Variants in CRMP1 observed in about 807,000 individuals in gnomAD.
CRMP1 encodes the protein collapsin response mediator protein 1.
A neutral mutation model predicts 68.3 loss-of-function variants in CRMP1; 19 were observed. The ratio of observed to expected loss-of-function variants is 0.28; its 90% CI spans 0.19 to 0.41. The LOEUF is 0.41. CRMP1 is among the 10% of genes least tolerant of loss of function. CRMP1 has a pLI of 1.00. For synonymous variants in CRMP1, 439 were observed against 399.6 expected (o/e 1.10, Z -1.18); for missense variants, 791 against 967.4 (o/e 0.82, Z 2.42).
Position 5,825,083 on chromosome 4 carries a change from CTGCAG to C in CRMP1, c.1969+406_1969+410del. ...ATGGGTTATGAAAGTGCTTAGTACA[CTGCAG>C]TGGGTGAACAGGCTAAAGACTTACA... On this transcript the variant is annotated intron_variant, in intron 13 of 13. Transcript: ENST00000324989. This position sits in a 1 kb window ranked among gnomAD's most constrained non-coding sequence, Gnocchi z 4.4. 1.0e-6 allele frequency: 1 copy of C among 985,404 alleles called. No individual in the cohort carries two copies. The highest frequency in any genetic ancestry group is 1.2e-6 in the Non-Finnish European group (1 of 829,922). 61.0% of individuals were successfully genotyped at this position (985,404 alleles called of 1,614,324 possible).
At chr4:5,863,924 C>T (rs1248148595) in intron 2 of CRMP1, among the ~76,000 whole-genome samples, 2 of 152,214 alleles carry the variant, frequency 1.3e-5, no homozygotes, top group Admixed American at 1.3e-4. Flanking sequence ...AGGCCTCAGT[C>T]ACCGTCACTC....
rs1359265000 is a variant in CRMP1, at chr4:5,841,164, C to A, written c.1153+144G>T. On this transcript the variant is annotated intron_variant, in intron 8 of 13. Coordinates refer to ENST00000324989, the MANE Select transcript of CRMP1 (RefSeq NM_001014809.3). The surrounding 1 kb of genome is among the most constrained non-coding windows in gnomAD (Gnocchi z 6.9). ...CATTGGGACCAAAGAATTCCAGCCA[C>A]CATCCTTGTGTCAGGAGCATCCCCG... 8.1e-7 allele frequency: 1 copy of A among 1,237,112 alleles called. No homozygotes were observed. Among genetic ancestry groups the A allele is most frequent in the East Asian group, 2.3e-5 (1 of 42,896 alleles). The allele number at this position is 1,237,112 out of a possible 1,614,324, so 76.6% of individuals were successfully genotyped here. A position where few individuals can be genotyped will look rare whatever the true frequency, so the allele number is the denominator to read the frequency against.
rs888102963 is a variant in CRMP1 at position 5,850,816 on chromosome 4, C to A, written c.882+592G>T. The stretch of plus-strand genomic sequence containing the variant: ...AGGAGACCCAGTAGTATAAGAAGGC[C>A]AGGTGTCCTGTAAGTCGTAACCACT... On this transcript the variant is annotated intron_variant, in intron 5 of 13. Transcript: ENST00000324989. This position sits in a 1 kb window ranked among gnomAD's most constrained non-coding sequence, Gnocchi z 4.4. 2.6e-5 allele frequency among the ~76,000 whole-genome samples: 4 copies of A among 152,180 alleles called. No individual in the cohort carries two copies. The highest frequency in any genetic ancestry group is 9.6e-5 in the African/African-American group (4 of 41,456).
rs930298415 is a variant in CRMP1 at position 5,889,799 on chromosome 4, A to G, written c.381+2790T>C. 2 of 1,521,786 alleles carry G rather than the reference A, an allele frequency of 1.3e-6. No homozygotes were observed. The highest frequency in any genetic ancestry group is 1.4e-5 in the African/African-American group (1 of 72,696). The allele number at this position is 1,521,786 out of a possible 1,614,324, so 94.3% of individuals were successfully genotyped here. A position where few individuals can be genotyped will look rare whatever the true frequency, so the allele number is the denominator to read the frequency against. On this transcript the variant is annotated intron_variant, in intron 1 of 13. Coordinates refer to ENST00000324989, the MANE Select transcript of CRMP1 (RefSeq NM_001014809.3). This position sits in a 1 kb window ranked among gnomAD's most constrained non-coding sequence, Gnocchi z 4.5. ...CTGGGGCCCTGACCTTCACCACCCC[A>G]GGGGCCAGTCCCCTAATCCAGGGCA...
intron 1 of CRMP1, among the ~76,000 whole-genome samples, chr4:5,880,948 C>A (rs888295679): frequency 6.6e-6 from 1 of 152,308 alleles, no homozygotes; most frequent in Non-Finnish European, 1.5e-5. Flanking sequence ...CAGACAATTT[C>A]CCAGTCTTCC....
Position 5,853,420 on chromosome 4 carries a change from A to G in CRMP1, c.821-1951T>C, listed in dbSNP as rs1011581663. The stretch of plus-strand genomic sequence containing the variant: ...CTCCATCAGAAGGAAAGAAAGAAAG[A>G]GCTGCATCTAAGAGATAGCAAGTGT... On this transcript the variant is annotated intron_variant, in intron 4 of 13. Coordinates refer to ENST00000324989, the MANE Select transcript of CRMP1 (RefSeq NM_001014809.3). The surrounding 1 kb of genome is among the most constrained non-coding windows in gnomAD (Gnocchi z 4.7). 7.9e-5 allele frequency among the ~76,000 whole-genome samples: 12 copies of G among 152,144 alleles called. No homozygotes were observed. The highest frequency in any genetic ancestry group is 1.2e-4 in the Non-Finnish European group (8 of 68,034).
chr4:5,868,898 C>T (rs980766957), intron 1 of CRMP1, among the ~76,000 whole-genome samples: 13 of 152,224 alleles, frequency 8.5e-5, no homozygotes, highest in African/African-American at 2.6e-4. Flanking sequence ...ATTCTTTGCA[C>T]GAAAACACTA....
At position 5,825,123 on chromosome 4, in the gene CRMP1, T is replaced by G. The variant is rs1008382724; in HGVS notation, c.1969+371A>C. 6 of 985,314 alleles carry G rather than the reference T, an allele frequency of 6.1e-6. No homozygotes were observed. In the African/African-American group the frequency reaches 1.0e-4, roughly 17 times the overall value. The allele number at this position is 985,314 out of a possible 1,614,324, so 61.0% of individuals were successfully genotyped here. ...AGGCTAAAGACTTACACAGAGCACA[T>G]GCCCTGCAAATGGCAGCTACTCCCA... On this transcript the variant is annotated intron_variant, in intron 13 of 13. Transcript: ENST00000324989. The surrounding 1 kb of genome is among the most constrained non-coding windows in gnomAD (Gnocchi z 4.4).
rs56890181 is a variant in CRMP1 at position 5,883,248 on chromosome 4, C to CATCT, written c.381+9340_381+9341insAGAT. 0.16 allele frequency among the ~76,000 whole-genome samples: 16,923 copies of CATCT among 105,560 alleles called. 1,337 individuals carry two copies. Among genetic ancestry groups the CATCT allele is most frequent in the East Asian group, 0.4 (1,562 of 3,896 alleles). The allele number at this position is 105,560 out of a possible 152,430, so 69.3% of individuals were successfully genotyped here. A position where few individuals can be genotyped will look rare whatever the true frequency, so the allele number is the denominator to read the frequency against. ...CCTGCCTGCTTTCCTTCCTTCCTTC[C>CATCT]TTCCTTCCTTCCTCCCTCCCTCCCT... On this transcript the variant is annotated intron_variant, in intron 1 of 13. Transcript: ENST00000324989. This position sits in a 1 kb window ranked among gnomAD's most constrained non-coding sequence, Gnocchi z 4.5.
Position 5,872,320 on chromosome 4 carries a change from T to C in CRMP1, c.382-5564A>G, listed in dbSNP as rs916081236. 2.0e-5 allele frequency among the ~76,000 whole-genome samples: 3 copies of C among 152,226 alleles called. No individual in the cohort carries two copies. The highest frequency in any genetic ancestry group is 7.2e-5 in the African/African-American group (3 of 41,456). The stretch of plus-strand genomic sequence containing the variant: ...AAAAAAATAATACCGGTGCCGTCTA[T>C]TGCCTCTCACGGGGTTACTGTGAGG... On this transcript the variant is annotated intron_variant, in intron 1 of 13. Coordinates refer to ENST00000324989, the MANE Select transcript of CRMP1 (RefSeq NM_001014809.3). This position sits in a 1 kb window ranked among gnomAD's most constrained non-coding sequence, Gnocchi z 4.6.
At chr4:5,875,122 T>C (rs1714718945) in intron 1 of CRMP1, among the ~76,000 whole-genome samples, 1 of 152,192 alleles carries the variant, frequency 6.6e-6, no homozygotes. Context: ...CATTAAGCAT[T>C]AGGTTGAGCT....
Position 5,850,156 on chromosome 4 carries a change from C to T in CRMP1, c.883-684G>A, listed in dbSNP as rs998493583. 6.6e-6 allele frequency among the ~76,000 whole-genome samples: 1 copy of T among 152,342 alleles called. No individual in the cohort carries two copies. Among genetic ancestry groups the T allele is most frequent in the Admixed American group, 6.5e-5 (1 of 15,304 alleles). ...AGCTCCCTCTCCAGGGACACTTGAA[C>T]CTCAACTTTGTTCTCCATGCATGCA... On this transcript the variant is annotated intron_variant, in intron 5 of 13. Coordinates refer to ENST00000324989, the MANE Select transcript of CRMP1 (RefSeq NM_001014809.3). The surrounding 1 kb of genome is among the most constrained non-coding windows in gnomAD (Gnocchi z 4.4).
At position 5,843,670 on chromosome 4, in the gene CRMP1, G is replaced by A. The variant is rs1387244687; in HGVS notation, c.964-509C>T. ...TCTCTTGACCTCAGTCTCCTCTTCTGTACACTGGGGATAACGGTGCTTGTA... is the reference window on the plus strand; with the variant it reads ...TCTCTTGACCTCAGTCTCCTCTTCTATACACTGGGGATAACGGTGCTTGTA... On this transcript the variant is annotated intron_variant, in intron 6 of 13. Transcript: ENST00000324989. This position sits in a 1 kb window ranked among gnomAD's most constrained non-coding sequence, Gnocchi z 4.1. 2.6e-5 allele frequency among the ~76,000 whole-genome samples: 4 copies of A among 152,292 alleles called. No homozygotes were observed. Among genetic ancestry groups the A allele is most frequent in the African/African-American group, 2.4e-5 (1 of 41,566 alleles).
chr4:5,828,459 G>A (rs764192518), intron 12 of CRMP1, 30 bp downstream of exon 12: 5 of 1,604,526 alleles, frequency 3.1e-6, no homozygotes. Context: ...GGTCCCACGG[G>A]TGGGCCCGCT....
intron 2 of CRMP1, among the ~76,000 whole-genome samples, chr4:5,862,335 C>T (rs545011181): frequency 6.7e-6 from 1 of 148,178 alleles, no homozygotes; most frequent in Admixed American, 6.6e-5. Context: ...ATGTCCACCG[C>T]CGCTGCTTAT....
chr4:5,867,391 G>A (rs1714073065), intron 1 of CRMP1, among the ~76,000 whole-genome samples: 1 of 152,140 alleles, frequency 6.6e-6, no homozygotes, highest in Non-Finnish European at 1.5e-5. Context: ...TGGGTCATTT[G>A]TAGAACAGGG....
Position 5,825,982 on chromosome 4 carries a change from T to G in CRMP1, c.1804-323A>C. 5.3e-6 allele frequency: 2 copies of G among 376,762 alleles called. No individual in the cohort carries two copies. Among genetic ancestry groups the G allele is most frequent in the Middle Eastern group, 7.0e-4 (1 of 1,426 alleles). The allele number at this position is 376,762 out of a possible 1,614,324, so 23.3% of individuals were successfully genotyped here. ...TGCACATGCAGTAACAAAACAGGCC[T>G]ACACAGTAGCATACACGCGTGAACA... On this transcript the variant is annotated intron_variant, in intron 12 of 13. Transcript: ENST00000324989. This position sits in a 1 kb window ranked among gnomAD's most constrained non-coding sequence, Gnocchi z 4.4.
rs1560467618 is a variant in CRMP1 at position 5,820,802 on chromosome 4, C to A, written c.*958G>T. 1 of 149,610 alleles carries A rather than the reference C, an allele frequency of 6.7e-6. No homozygotes were observed. 9.3% of individuals were successfully genotyped at this position (149,610 alleles called of 1,614,324 possible). ...GTCAGGTCAGTGGGCAGTTCATTTT[C>A]TTTATTTTTTCACAAGCTTTGAATT... On this transcript the variant is annotated 3_prime_UTR_variant, in exon 14 of 14. Transcript: ENST00000324989.
rs559090113 is a variant in CRMP1, at chr4:5,833,978, G to A, written c.1623+1937C>T. On this transcript the variant is annotated intron_variant, in intron 11 of 13. Transcript: ENST00000324989. ...GGAGAATGGCGTGAACCCGGGAGGCGGAGCTTGCAGTGAGCCGAGATTGCG... is the reference window on the plus strand; with the variant it reads ...GGAGAATGGCGTGAACCCGGGAGGCAGAGCTTGCAGTGAGCCGAGATTGCG... 1.4e-3 allele frequency among the ~76,000 whole-genome samples: 210 copies of A among 152,262 alleles called. 1 individual carries two copies. The highest frequency in any genetic ancestry group is 3.5e-3 in the Admixed American group (53 of 15,304).
Sources: gnomAD v4.1 joint callset for allele counts (sites outside exome capture counted in the v4.1 genomes callset) on GRCh38, gnomAD v4.1.1 for gene constraint, Gnocchi (gnomAD v3.1) non-coding constraint, MANE v1.5 for transcripts, NCBI Gene and HGNC (gene_info 2026-07-23, HGNC 2026-07-21) for gene names.